Variants in SHCBP1 observed in about 807,000 individuals in gnomAD.
SHCBP1 encodes SHC SH2 domain-binding protein 1.
In SHCBP1, 60 loss-of-function variants were observed where a neutral mutation model predicts 75.1. That is an observed-to-expected ratio of 0.80 (90% CI 0.65 to 0.99). The LOEUF is 0.99. SHCBP1 is among the 50% of genes least tolerant of loss of function. The pLI is 0.00. For synonymous variants in SHCBP1, 290 were observed against 293.2 expected (o/e 0.99, Z 0.11); for missense variants, 709 against 809.4 (o/e 0.88, Z 1.50).
chr16:46,603,849 TCA>T (rs1304691033), intron 7 of SHCBP1, 124 bp downstream of exon 7: 2 of 1,333,964 alleles, frequency 1.5e-6, no homozygotes, highest in African/African-American at 2.9e-5. Flanking sequence ...GGCAGGGCTC[TCA>T]CTACTTCCCA....
At chr16:46,589,240 C>A (rs1372015861) in intron 10 of SHCBP1, among the ~76,000 whole-genome samples, 9 of 152,210 alleles carry the variant, frequency 5.9e-5, no homozygotes. Context: ...AAACTGGAAG[C>A]ATTCCCTTTG....
chr16:46,606,932 T>G (rs574425105), intron 5 of SHCBP1, among the ~76,000 whole-genome samples: 185 of 152,182 alleles, frequency 1.2e-3, no homozygotes, highest in African/African-American at 4.3e-3. Context: ...GCAATCTTCC[T>G]GCCTCAGCCT....
intron 8 of SHCBP1, among the ~76,000 whole-genome samples, chr16:46,603,126 C>T (rs1013332388): frequency 4.6e-5 from 7 of 152,044 alleles, no homozygotes; most frequent in African/African-American, 1.7e-4. Flanking sequence ...AAACAAAAAG[C>T]CATGCACTAA....
At chr16:46,583,491 T>C in intron 12 of SHCBP1, 25 bp downstream of exon 12, 1 of 1,574,072 alleles carries the variant, frequency 6.4e-7, no homozygotes, top group Non-Finnish European at 8.6e-7. Flanking sequence ...TGTCTGGTTT[T>C]TATATTAAAA....
intron 8 of SHCBP1, 44 bp from the exon 9 acceptor site, chr16:46,600,006 A>G: frequency 6.2e-7 from 1 of 1,605,876 alleles, no homozygotes; most frequent in African/African-American, 1.3e-5. Context: ...GTGAGGAAAA[A>G]CATCTAAACG....
intron 9 of SHCBP1, among the ~76,000 whole-genome samples, chr16:46,599,121 C>G (rs1016194462): frequency 6.6e-6 from 1 of 152,154 alleles, no homozygotes; most frequent in African/African-American, 2.4e-5. Flanking sequence ...GTTTCACTTT[C>G]TTATCATTCA....
rs1349926035 is a variant in SHCBP1 at position 46,581,701 on chromosome 16, A to G, written c.*28T>C. The stretch of plus-strand genomic sequence containing the variant: ...TAGGGCAGCATGTGCAAAATCCAGT[A>G]TTTTGCTATCTACTTACATCACTGT... On this transcript the variant is annotated 3_prime_UTR_variant, in exon 13 of 13. Transcript: ENST00000303383. 1.3e-6 allele frequency: 2 copies of G among 1,585,538 alleles called. No individual in the cohort carries two copies. Among genetic ancestry groups the G allele is most frequent in the Non-Finnish European group, 1.7e-6 (2 of 1,162,064 alleles).
At chr16:46,620,897 T>A (rs1337902629) in intron 1 of SHCBP1, 1 of 201,568 alleles carries the variant, frequency 5.0e-6, no homozygotes, top group African/African-American at 2.3e-5. Flanking sequence ...TGGTTCGTGA[T>A]CTCCTTTGAG....
In SHCBP1 at chr16:46,621,333, G is replaced by A. The variant is rs928145652; in HGVS notation, c.27C>T (p.Gly9=). Residue 9 remains glycine (G), a synonymous_variant, in exon 1 of 13, where the codon GGC becomes GGT. Coordinates refer to ENST00000303383, the MANE Select transcript of SHCBP1 (RefSeq NM_024745.5). ...GCGCCATGGCCGCTGCCTCCAGACCGCCGCCCGTCAGCGACCCGTCAGCCA... is the reference window on the plus strand; with the variant it reads ...GCGCCATGGCCGCTGCCTCCAGACCACCGCCCGTCAGCGACCCGTCAGCCA... The part of the protein sequence containing the change: MADGSLTG[G]GLEAAAMAPE... The A allele has an allele frequency of 8.1e-6, 13 of 1,610,898 alleles. No individual in the cohort carries two copies. The Admixed American group carries it at 8.3e-5, about 10-fold the overall frequency.
chr16:46,619,890 C>T (rs2143002689), intron 1 of SHCBP1, among the ~76,000 whole-genome samples: 1 of 152,146 alleles, frequency 6.6e-6, no homozygotes, highest in Middle Eastern at 3.4e-3. Context: ...CAAAAATTAG[C>T]TGGGTGTGGT....
intron 3 of SHCBP1, 86 bp downstream of exon 3, chr16:46,617,548 A>C: frequency 2.0e-6 from 2 of 999,386 alleles, no homozygotes; most frequent in Admixed American, 2.4e-5. Flanking sequence ...ATAAACTTTA[A>C]TTAAAAATAA....
intron 7 of SHCBP1, 87 bp from the exon 8 acceptor site, chr16:46,603,746 T>A: frequency 6.4e-7 from 1 of 1,552,632 alleles, no homozygotes; most frequent in Non-Finnish European, 8.8e-7. Flanking sequence ...TGTCTTACTT[T>A]GAAAATGGAA....
chr16:46,596,019 C>G (rs186238610), intron 9 of SHCBP1, among the ~76,000 whole-genome samples: 79 of 152,178 alleles, frequency 5.2e-4, no homozygotes, highest in African/African-American at 1.9e-3. Flanking sequence ...ACAAACATTA[C>G]TCCCATGTGG....
rs1179690427 is a variant in SHCBP1, at chr16:46,604,020, C to T, written c.1047G>A (p.Thr349=). The change falls in exon 7 of 13, where the codon ACG becomes ACA. Residue 349 remains threonine, a synonymous_variant. Coordinates refer to ENST00000303383, the MANE Select transcript of SHCBP1 (RefSeq NM_024745.5). Reference sequence around the variant, plus strand: ...CACCAGGCTCCTGGCAAAGCCTGTCCGTAAGCAGGGACCGCAGGAGACCAG... The same window carrying T: ...CACCAGGCTCCTGGCAAAGCCTGTCTGTAAGCAGGGACCGCAGGAGACCAG... ...MMAGLLRSLL[T]DRLCQEPGEE... 8.7e-6 allele frequency: 14 copies of T among 1,614,002 alleles called. No homozygotes were observed. The highest frequency in any genetic ancestry group is 2.2e-5 in the South Asian group (2 of 91,028).
intron 1 of SHCBP1, among the ~76,000 whole-genome samples, chr16:46,618,784 G>A (rs1246388781): frequency 6.6e-6 from 1 of 152,166 alleles, no homozygotes; most frequent in Non-Finnish European, 1.5e-5. Flanking sequence ...TAGGACTACA[G>A]ACATGCACCA....
intron 12 of SHCBP1, among the ~76,000 whole-genome samples, 153 bp from the exon 13 acceptor site, chr16:46,582,207 C>T (rs1342148584): frequency 6.6e-6 from 1 of 152,224 alleles, no homozygotes; most frequent in Non-Finnish European, 1.5e-5. Context: ...TTGAACTCTT[C>T]CTTTACCCTT....
chr16:46,607,448 A>G (rs1364864048), intron 5 of SHCBP1, among the ~76,000 whole-genome samples: 3 of 152,028 alleles, frequency 2.0e-5, no homozygotes, highest in African/African-American at 7.2e-5. Context: ...TTTTATTATT[A>G]TTTACTATTT....
intron 1 of SHCBP1, chr16:46,620,392 G>T (rs1278395238): frequency 6.6e-6 from 1 of 152,114 alleles, no homozygotes; most frequent in Non-Finnish European, 1.5e-5. Context: ...CCAACCCACT[G>T]GCAACTACCA....
intron 4 of SHCBP1, among the ~76,000 whole-genome samples, chr16:46,615,732 T>C (rs942606808): frequency 6.6e-6 from 1 of 152,114 alleles, no homozygotes. Flanking sequence ...AGAGCAAGAC[T>C]ATGTCTCAAA....
Sources: gnomAD v4.1 joint callset for allele counts (sites outside exome capture counted in the v4.1 genomes callset) on GRCh38, gnomAD v4.1.1 for gene constraint, MANE v1.5 for transcripts, NCBI Gene and HGNC (gene_info 2026-07-23, HGNC 2026-07-21) for gene names.